Variants in GUSB observed in about 807,000 individuals in gnomAD.
GUSB encodes glucuronidase beta.
A neutral mutation model predicts 74.6 loss-of-function variants in GUSB; 51 were observed. The observed-to-expected ratio is 0.68, with a 90% CI of 0.55 to 0.86. The LOEUF (loss-of-function observed/expected upper bound fraction) is 0.86. GUSB is among the 40% of genes least tolerant of loss of function. The pLI is 0.00. For synonymous variants in GUSB, 360 were observed against 348.3 expected, an observed-to-expected ratio of 1.03 and a Z score of -0.37; for missense variants, 736 against 853.7, an observed-to-expected ratio of 0.86 and a Z score of 1.72.
At chr7:65,980,052 G>A (rs1791889528) in intron 2 of GUSB, 141 bp from the exon 3 acceptor site, 1 of 938,658 alleles carries the variant, frequency 1.1e-6, no homozygotes, top group South Asian at 1.5e-5. Flanking sequence ...ATCCCAATGG[G>A]GTAGATCAGG....
Position 65,964,326 on chromosome 7 carries a change from G to A in GUSB, c.1786C>T (p.Gln596Ter), listed in dbSNP as rs1483429762. 1 of 1,611,424 alleles carries A rather than the reference G, an allele frequency of 6.2e-7. No individual in the cohort carries two copies. Among genetic ancestry groups the A allele is most frequent in the Non-Finnish European group, 8.5e-7 (1 of 1,179,442 alleles). Residue 596 changes from glutamine (Q) to a stop codon, truncating the protein, a stop_gained, in exon 11 of 12, where the codon CAG (glutamine) becomes TAG (stop). Coordinates refer to ENST00000304895, the MANE Select transcript of GUSB (RefSeq NM_000181.4). LOFTEE classifies it low-confidence loss of function (END_TRUNC). ...CATGAGCCAAACTGCCACTTACACT[G>A]TTCAGTCATGAAATCGGCAAAATTC... ...IWNFADFMTE[Q>*]SPTRVLGNKK...
rs970672652 is a variant in GUSB, at chr7:65,977,797, GAT to G, written c.725-1597_725-1596del. Among the ~76,000 whole-genome samples the G allele has an allele frequency of 2.4e-4, 36 of 151,576 alleles. 1 individual carries two copies. The highest frequency in any genetic ancestry group is 7.7e-4 in the African/African-American group (32 of 41,406). ...AAGCCTCATCTCAGAAAAAGAAAAA[GAT>G]ATATATATATTTTTTTATTTTTATT... On this transcript the variant is annotated intron_variant, in intron 4 of 11. Coordinates refer to ENST00000304895, the MANE Select transcript of GUSB (RefSeq NM_000181.4).
chr7:65,980,966 T>G, intron 1 of GUSB: 1 of 190,016 alleles, frequency 5.3e-6, no homozygotes. Context: ...TGTCATGTCC[T>G]GTCCTCTATG....
intron 10 of GUSB, among the ~76,000 whole-genome samples, chr7:65,964,778 A>G (rs1185983169): frequency 6.6e-6 from 1 of 152,134 alleles, no homozygotes; most frequent in East Asian, 1.9e-4. Context: ...AGGCAAAAAT[A>G]TGTCTTTCAG....
In GUSB at chr7:65,961,063, GCT is replaced by G. The variant is rs1583880292; in HGVS notation, c.1790-2_1790-1del. The G allele has an allele frequency of 1.2e-6, 2 of 1,608,256 alleles. No homozygotes were observed. The highest frequency in any genetic ancestry group is 3.4e-5 in the Admixed American group (2 of 59,332). On this transcript the variant is annotated splice_acceptor_variant, in intron 11 of 11. Transcript: ENST00000304895. LOFTEE classifies it high-confidence loss of function. ...TTTATTCCCCAGCACTCTCGTCGGT[GCT>G]ACAAAAAAAAAAAAAAGACACAAAG...
intron 1 of GUSB, 186 bp from the exon 2 acceptor site, chr7:65,980,595 G>T: frequency 1.6e-6 from 1 of 636,158 alleles, no homozygotes. Context: ...TGGGCCAGTG[G>T]GGCCAGGAGT....
intron 8 of GUSB, 29 bp downstream of exon 8, chr7:65,974,266 C>A: frequency 6.2e-7 from 1 of 1,612,940 alleles, no homozygotes; most frequent in Non-Finnish European, 8.5e-7. Flanking sequence ...CCTTCCCACT[C>A]TAGCCGAGGG....
chr7:65,980,818 C>A, intron 1 of GUSB: 1 of 314,764 alleles, frequency 3.2e-6, no homozygotes, highest in Non-Finnish European at 6.3e-6. Context: ...CCTCCTCTTT[C>A]CCTCCTGTAC....
At chr7:65,974,500 G>T (rs772675250) in intron 7 of GUSB, 26 bp downstream of exon 7, 1 of 1,614,120 alleles carries the variant, frequency 6.2e-7, no homozygotes, top group Non-Finnish European at 8.5e-7. Flanking sequence ...CTGGGCAGGC[G>T]GAGCAGGTGC....
In GUSB at chr7:65,982,072, A is replaced by G. The variant is rs779499448; in HGVS notation, c.112T>C (p.Cys38Arg). ...CTCCAGAGGCCGTCCAGCTCCTTGC[A>G]CTCCCGCGACGGGCTCTCCTGGGGG... The part of the protein sequence containing the change: ...LYPQESPSRE[C>R]KELDGLWSFR... The change falls in exon 1 of 12, where the codon TGC becomes CGC. Residue 38 changes from cysteine (C) to arginine (R), a missense_variant. By Grantham distance (180) the Cys-to-Arg change is radical (BLOSUM62 -3). Around this residue, in one of 2 missense-constraint regions of GUSB, gnomAD observed 368 missense variants for 363.8 expected, o/e 1.01. Coordinates refer to ENST00000304895, the MANE Select transcript of GUSB (RefSeq NM_000181.4). 18 of 1,607,692 alleles carry G rather than the reference A, an allele frequency of 1.1e-5. No individual in the cohort carries two copies. Among genetic ancestry groups the G allele is most frequent in the Non-Finnish European group, 1.5e-5 (18 of 1,178,052 alleles).
rs969869681 is a variant in GUSB at position 65,979,877 on chromosome 7, C to T, written c.431G>A (p.Gly144Glu). Residue 144 changes from glycine to glutamate, a missense_variant, in exon 3 of 12, where the codon GGG becomes GAG. Coordinates refer to ENST00000304895, the MANE Select transcript of GUSB (RefSeq NM_000181.4). ...GTCGGCCTCGAAGGGGAGGTAGCCC[C>T]CCTCATGCTCTAGCGTGTCGACCCC... Reference protein sequence around the residue: ...VNGVDTLEHEGGYLPFEADIS... With the variant: ...VNGVDTLEHEEGYLPFEADIS... 6.2e-7 allele frequency: 1 copy of T among 1,611,484 alleles called. No individual in the cohort carries two copies.
chr7:65,963,861 G>A (rs1054627692), intron 11 of GUSB, among the ~76,000 whole-genome samples: 20 of 152,118 alleles, frequency 1.3e-4, no homozygotes, highest in African/African-American at 3.9e-4. Context: ...ACTTGTAAAT[G>A]CTGCCAAATT....
rs764866250 is a variant in GUSB, at chr7:65,976,189, G to T, written c.738C>A (p.Tyr246Ter). 1 of 1,611,988 alleles carries T rather than the reference G, an allele frequency of 6.2e-7. No individual in the cohort carries two copies. Among genetic ancestry groups the T allele is most frequent in the South Asian group, 1.1e-5 (1 of 91,044 alleles). Residue 246 changes from tyrosine (Y) to a stop codon, truncating the protein, a stop_gained, in exon 5 of 12, where the codon TAC becomes TAA. Coordinates refer to ENST00000304895, the MANE Select transcript of GUSB (RefSeq NM_000181.4). LOFTEE classifies it high-confidence loss of function. ...GGTTACTGCCCTTGACAGAGATCTG[G>T]TAATTCACCAGCCCTGCAAGAAACA... ...SVEQDSGLVNYQISVKGSNLF... is the reference protein window; with the variant it reads ...SVEQDSGLVN
intron 2 of GUSB, 35 bp from the exon 3 acceptor site, chr7:65,979,946 G>A (rs1791880779): frequency 3.3e-6 from 5 of 1,536,976 alleles, no homozygotes; most frequent in Non-Finnish European, 4.4e-6. Flanking sequence ...GGGGGCTGCA[G>A]GTCAGGGCAT....
intron 8 of GUSB, among the ~76,000 whole-genome samples, chr7:65,972,601 C>G (rs1474453950): frequency 6.6e-6 from 1 of 152,186 alleles, no homozygotes; most frequent in Non-Finnish European, 1.5e-5. Flanking sequence ...GCCTCAAGTT[C>G]CAAACCCACA....
rs118063189 is a variant in GUSB, at chr7:65,971,002, G to A, written c.1392-636C>T. 5.9e-5 allele frequency among the ~76,000 whole-genome samples: 9 copies of A among 151,658 alleles called. No homozygotes were observed. The East Asian group carries it at 9.7e-4, about 16-fold the overall frequency. ...GCATATGATCCTCTAGTCCTAGACC[G>A]AGCTCTCTAACATCACTCCTTCTAC... On this transcript the variant is annotated intron_variant, in intron 8 of 11. Coordinates refer to ENST00000304895, the MANE Select transcript of GUSB (RefSeq NM_000181.4).
intron 11 of GUSB, among the ~76,000 whole-genome samples, chr7:65,963,147 T>C (rs978890171): frequency 2.0e-4 from 30 of 152,114 alleles, no homozygotes; most frequent in African/African-American, 7.0e-4. Context: ...CTTGAGCCAC[T>C]GCGCCCAGCC....
chr7:65,965,118 A>C (rs902165828), intron 10 of GUSB, among the ~76,000 whole-genome samples: 1 of 151,784 alleles, frequency 6.6e-6, no homozygotes, highest in Non-Finnish European at 1.5e-5. Context: ...AAACTCAACC[A>C]AACCAGGCTG....
Position 65,964,329 on chromosome 7 carries a change from C to G in GUSB, c.1783G>C (p.Glu595Gln). ...LIWNFADFMTEQSPTRVLGNK... is the reference protein window; with the variant it reads ...LIWNFADFMTQQSPTRVLGNK... ...GAGCCAAACTGCCACTTACACTGTT[C>G]AGTCATGAAATCGGCAAAATTCCAA... The change falls in exon 11 of 12, where the codon GAA becomes CAA. Residue 595 changes from glutamate to glutamine, a missense_variant. Glu to Gln is a conservative substitution (Grantham distance 29). Coordinates refer to ENST00000304895, the MANE Select transcript of GUSB (RefSeq NM_000181.4). 1.2e-6 allele frequency: 2 copies of G among 1,611,784 alleles called. No homozygotes were observed. The highest frequency in any genetic ancestry group is 1.7e-6 in the Non-Finnish European group (2 of 1,179,638).
Sources: gnomAD v4.1 joint callset for allele counts (sites outside exome capture counted in the v4.1 genomes callset) on GRCh38, gnomAD v4.1.1 for gene constraint, gnomAD v4.1.1 regional missense constraint, MANE v1.5 for transcripts, NCBI Gene and HGNC (gene_info 2026-07-23, HGNC 2026-07-21) for gene names.